Variants in ABRAXAS1 observed in about 807,000 individuals in gnomAD.
ABRAXAS1 encodes the protein abraxas 1, BRCA1 A complex subunit.
ABRAXAS1 carries 26 observed loss-of-function variants against 38.4 expected under a neutral mutation model. The ratio of observed to expected loss-of-function variants is 0.68; its 90% CI spans 0.50 to 0.94. The LOEUF is 0.94. Ranked by LOEUF, ABRAXAS1 falls within the 40% of genes least tolerant of loss-of-function variation. The pLI is 0.00. For missense variants in ABRAXAS1, 438 were observed against 481.9 expected, an observed-to-expected ratio of 0.91 and a Z score of 0.85; for synonymous variants, 144 against 165.5, an observed-to-expected ratio of 0.87 and a Z score of 1.00.
chr4:83,484,421 CTG>C (rs1249696985), intron 1 of ABRAXAS1, among the ~76,000 whole-genome samples: 4 of 152,236 alleles, frequency 2.6e-5, no homozygotes, highest in East Asian at 1.9e-4. Context: ...CTTTTAAAAA[CTG>C]TTTTAACAAA....
At chr4:83,480,330 C>T (rs1722950126) in intron 2 of ABRAXAS1, 1 of 400,656 alleles carries the variant, frequency 2.5e-6, no homozygotes, top group Non-Finnish European at 4.9e-6. Flanking sequence ...CGAGATCATG[C>T]CACTTCACTC....
rs1260921438 is a variant in ABRAXAS1 at position 83,460,733 on chromosome 4, G to A, written c.*1736C>T. 2 of 423,980 alleles carry A rather than the reference G, an allele frequency of 4.7e-6. No homozygotes were observed. Among genetic ancestry groups the A allele is most frequent in the East Asian group, 4.8e-5 (1 of 21,008 alleles). The allele number at this position is 423,980 out of a possible 1,614,324, so 26.3% of individuals were successfully genotyped here. ...AGCCTGGCCAATATGGTGAAACCCC[G>A]TTTCTACTACAAATACAAAAAAATT... is the stretch of plus-strand genomic sequence containing the variant. On this transcript the variant is annotated 3_prime_UTR_variant, in exon 9 of 9. Coordinates refer to ENST00000321945, the MANE Select transcript of ABRAXAS1 (RefSeq NM_139076.3).
In ABRAXAS1 at chr4:83,462,316, T is replaced by A; in HGVS notation, c.*153A>T. The A allele has an allele frequency of 1.6e-6, 1 of 635,428 alleles. No individual in the cohort carries two copies. The highest frequency in any genetic ancestry group is 2.7e-6 in the Non-Finnish European group (1 of 374,516). The allele number at this position is 635,428 out of a possible 1,614,324, so 39.4% of individuals were successfully genotyped here. A position where few individuals can be genotyped will look rare whatever the true frequency, so the allele number is the denominator to read the frequency against. ...TTGAAAAAGTACTTTGTGAAGTAAA[T>A]GCACTAAGAGTTATCTGTGTATTAC... On this transcript the variant is annotated 3_prime_UTR_variant, in exon 9 of 9. Coordinates refer to ENST00000321945, the MANE Select transcript of ABRAXAS1 (RefSeq NM_139076.3).
At chr4:83,482,090 C>A in intron 2 of ABRAXAS1, 64 bp downstream of exon 2, 1 of 1,067,122 alleles carries the variant, frequency 9.4e-7, no homozygotes, top group East Asian at 2.5e-5. Context: ...TGACCCCTTT[C>A]AGCATAAACT....
intron 4 of ABRAXAS1, among the ~76,000 whole-genome samples, chr4:83,470,687 A>G (rs981087841): frequency 1.3e-5 from 2 of 152,180 alleles, no homozygotes; most frequent in African/African-American, 4.8e-5. Context: ...CTATCTTGCA[A>G]TCTCACTCTT....
Position 83,462,518 on chromosome 4 carries a change from A to G in ABRAXAS1, c.1181T>C (p.Ile394Thr), listed in dbSNP as rs2110032759. ...KMSSPETDEE[I>T]EKMKGFGEYS... is the part of the protein sequence containing the mutation. ...TTCACCAAAACCCTTCATCTTTTCAATTTCTTCATCTGTTTCTGGGCTGCT... is the reference window on the plus strand; with the variant it reads ...TTCACCAAAACCCTTCATCTTTTCAGTTTCTTCATCTGTTTCTGGGCTGCT... The change falls in exon 9 of 9, where the codon ATT (isoleucine) becomes ACT (threonine). Residue 394 changes from isoleucine to threonine, a missense_variant. Physicochemically the swap from Ile to Thr is moderately conservative, Grantham distance 89 (BLOSUM62 -1). Coordinates refer to ENST00000321945, the MANE Select transcript of ABRAXAS1 (RefSeq NM_139076.3). The G allele has an allele frequency of 6.2e-7, 1 of 1,613,966 alleles. No individual in the cohort carries two copies. The highest frequency in any genetic ancestry group is 8.5e-7 in the Non-Finnish European group (1 of 1,179,994).
chr4:83,464,200 CAAAA>C (rs920115559), intron 7 of ABRAXAS1, among the ~76,000 whole-genome samples: 2 of 151,830 alleles, frequency 1.3e-5, no homozygotes, highest in Admixed American at 6.6e-5. Context: ...CAAAAACAAA[CAAAA>C]AAACTTTGAA....
At chr4:83,465,485 T>C (rs1483618076) in intron 7 of ABRAXAS1, among the ~76,000 whole-genome samples, 1 of 152,024 alleles carries the variant, frequency 6.6e-6, no homozygotes, top group African/African-American at 2.4e-5. Flanking sequence ...AAAATAGTTA[T>C]GTTAAAATGG....
rs1722136101 is a variant in ABRAXAS1, at chr4:83,461,995, A to T, written c.*474T>A. On this transcript the variant is annotated 3_prime_UTR_variant, in exon 9 of 9. Transcript: ENST00000321945. ...AAAGTATCACTTAAGGAGAATTTTAATGACTCAGATAAATTTTCATATAAA... is the reference window on the plus strand; with the variant it reads ...AAAGTATCACTTAAGGAGAATTTTATTGACTCAGATAAATTTTCATATAAA... 1 of 228,412 alleles carries T rather than the reference A, an allele frequency of 4.4e-6. No individual in the cohort carries two copies. The highest frequency in any genetic ancestry group is 8.7e-6 in the Non-Finnish European group (1 of 115,232). 14.1% of individuals were successfully genotyped at this position (228,412 alleles called of 1,614,324 possible). A position where few individuals can be genotyped will look rare whatever the true frequency, so the allele number is the denominator to read the frequency against.
At position 83,459,600 on chromosome 4, in the gene ABRAXAS1, AT is replaced by A. The variant is rs1467879607; in HGVS notation, c.*2868del. On this transcript the variant is annotated 3_prime_UTR_variant, in exon 9 of 9. Coordinates refer to ENST00000321945, the MANE Select transcript of ABRAXAS1 (RefSeq NM_139076.3). ...TAAAAGGTAACAGGAGGATAACAAT[AT>A]TTTTTTCTTATATTTTATGAAATGT... The A allele has an allele frequency of 5.8e-6, 4 of 684,764 alleles. No individual in the cohort carries two copies. The highest frequency in any genetic ancestry group is 3.1e-5 in the Admixed American group (1 of 32,662). The allele number at this position is 684,764 out of a possible 1,614,324, so 42.4% of individuals were successfully genotyped here.
Position 83,484,718 on chromosome 4 carries a change from C to T in ABRAXAS1, c.87+268G>A, listed in dbSNP as rs1455811355. 9 of 342,316 alleles carry T rather than the reference C, an allele frequency of 2.6e-5. No homozygotes were observed. In the East Asian group the frequency reaches 3.9e-4, roughly 15 times the overall value. The allele number at this position is 342,316 out of a possible 1,614,324, so 21.2% of individuals were successfully genotyped here. A position where few individuals can be genotyped will look rare whatever the true frequency, so the allele number is the denominator to read the frequency against. ...CAAGTTTCCACAGCTACAGGGGCGC[C>T]GAGGAAAGATGGGAGCGTGTGGGAC... is the stretch of plus-strand genomic sequence containing the variant. On this transcript the variant is annotated intron_variant, in intron 1 of 8. Transcript: ENST00000321945.
At chr4:83,484,609 G>T (rs1202783907) in intron 1 of ABRAXAS1, among the ~76,000 whole-genome samples, 1 of 152,214 alleles carries the variant, frequency 6.6e-6, no homozygotes, top group Non-Finnish European at 1.5e-5. Flanking sequence ...AACGCCTGTC[G>T]GGCGTCGCGA....
intron 7 of ABRAXAS1, among the ~76,000 whole-genome samples, chr4:83,465,632 C>A (rs1722326961): frequency 6.6e-6 from 1 of 151,958 alleles, no homozygotes; most frequent in Non-Finnish European, 1.5e-5. Context: ...ACACAAAATA[C>A]AAAAAATTAG....
chr4:83,481,339 A>G (rs1442676033), intron 2 of ABRAXAS1, among the ~76,000 whole-genome samples: 1 of 152,060 alleles, frequency 6.6e-6, no homozygotes. Flanking sequence ...TTTTTTCCCT[A>G]TGCATTTTAA....
At chr4:83,483,803 C>T (rs1178792772) in intron 1 of ABRAXAS1, among the ~76,000 whole-genome samples, 1 of 152,092 alleles carries the variant, frequency 6.6e-6, no homozygotes, top group Non-Finnish European at 1.5e-5. Context: ...CAGGGGCCTC[C>T]CTAGCACTCA....
Position 83,470,277 on chromosome 4 carries a change from T to C in ABRAXAS1, c.402A>G (p.Leu134=), listed in dbSNP as rs566419345. ...HFSNQDLVFL[L]LTPSIITESC... is the part of the protein sequence containing the mutation. ...TTTCTGTTATTATACTTGGTGTTAA[T>C]AGCAGAAAAACAAGGTCTTGGTTTG... Residue 134 remains leucine, a synonymous_variant, in exon 5 of 9, where the codon CTA becomes CTG. Coordinates refer to ENST00000321945, the MANE Select transcript of ABRAXAS1 (RefSeq NM_139076.3). The C allele has an allele frequency of 3.1e-5, 50 of 1,613,858 alleles. No homozygotes were observed. The highest frequency in any genetic ancestry group is 2.2e-4 in the South Asian group (20 of 91,076).
intron 6 of ABRAXAS1, among the ~76,000 whole-genome samples, chr4:83,468,311 GAAA>G (rs56262938): frequency 3.2e-5 from 4 of 123,756 alleles, no homozygotes; most frequent in Non-Finnish European, 5.3e-5. Context: ...GTCTTTAAAA[GAAA>G]AAAAAAAAAA....
In ABRAXAS1 at chr4:83,459,531, C is replaced by T. The variant is rs114952965; in HGVS notation, c.*2938G>A. ...TTGAATGAATATGCTGATTAATCTGCTGTTTAATTATATATAGACTTGACA... is the reference window on the plus strand; with the variant it reads ...TTGAATGAATATGCTGATTAATCTGTTGTTTAATTATATATAGACTTGACA... On this transcript the variant is annotated 3_prime_UTR_variant, in exon 9 of 9. Coordinates refer to ENST00000321945, the MANE Select transcript of ABRAXAS1 (RefSeq NM_139076.3). 6,585 of 462,868 alleles carry T rather than the reference C, an allele frequency of 0.014. 84 individuals are homozygous for T. The highest frequency in any genetic ancestry group is 0.021 in the Middle Eastern group (36 of 1,732). The allele number at this position is 462,868 out of a possible 1,614,324, so 28.7% of individuals were successfully genotyped here.
Position 83,462,510 on chromosome 4 carries a change from T to C in ABRAXAS1, c.1189A>G (p.Met397Val), listed in dbSNP as rs766764068. The C allele has an allele frequency of 6.2e-7, 1 of 1,613,886 alleles. No homozygotes were observed. Among genetic ancestry groups the C allele is most frequent in the African/African-American group, 1.3e-5 (1 of 74,902 alleles). The stretch of plus-strand genomic sequence containing the variant: ...CGTGAATATTCACCAAAACCCTTCA[T>C]CTTTTCAATTTCTTCATCTGTTTCT... ...SPETDEEIEK[M>V]KGFGEYSRSP... The change falls in exon 9 of 9, where the codon ATG (methionine) becomes GTG (valine). Residue 397 changes from methionine to valine, a missense_variant. Around this residue, in one of 3 missense-constraint regions of ABRAXAS1, gnomAD observed 184 missense variants for 181.9 expected, o/e 1.01. Transcript: ENST00000321945.
Sources: allele counts gnomAD v4.1 joint callset (sites outside exome capture counted in the v4.1 genomes callset), GRCh38; gene constraint gnomAD v4.1.1; regional missense constraint gnomAD v4.1.1; transcripts MANE v1.5; gene names NCBI Gene and HGNC (gene_info 2026-07-23, HGNC 2026-07-21).